The following QTMAN variants were observed in gnomAD, a reference collection of about 807,000 sequenced individuals.
The protein encoded by QTMAN is tRNA-queuosine alpha-mannosyltransferase.
the QTMAN span, among the ~76,000 whole-genome samples, chr2:144,136,477 A>G: frequency 1.3e-5 from 2 of 149,522 alleles, no homozygotes; most frequent in African/African-American, 2.5e-5. Context: ...AAAGGAGAAA[A>G]GAGAAAAGAG....
chr2:144,177,253 A>C, the QTMAN span: 1 of 317,450 alleles, frequency 3.2e-6, no homozygotes, highest in South Asian at 3.0e-5. Flanking sequence ...TGATCCCAAT[A>C]AAAAAAAAAA....
chr2:144,216,193 C>T, the QTMAN span, among the ~76,000 whole-genome samples: 1 of 152,180 alleles, frequency 6.6e-6, no homozygotes, highest in East Asian at 1.9e-4. Context: ...AAAATTTCTG[C>T]TCATGAATCA....
chr2:143,992,945 G>GA, the QTMAN span, among the ~76,000 whole-genome samples: 1 of 151,838 alleles, frequency 6.6e-6, no homozygotes, highest in East Asian at 1.9e-4. Context: ...CTGGAAAAAA[G>GA]AAAAAAATGA....
At chr2:143,967,405 A>C in the QTMAN span, among the ~76,000 whole-genome samples, 2 of 151,342 alleles carry the variant, frequency 1.3e-5, no homozygotes, top group Non-Finnish European at 2.9e-5. Context: ...ATCTTGGCTC[A>C]CTGCAACCTG....
At chr2:144,030,931 TA>T in the QTMAN span, among the ~76,000 whole-genome samples, 1 of 152,142 alleles carries the variant, frequency 6.6e-6, no homozygotes, top group African/African-American at 2.4e-5. Flanking sequence ...GTAGCCAAGC[TA>T]AGAGGCATGT....
At chr2:144,329,406 T>C in the QTMAN span, among the ~76,000 whole-genome samples, 1 of 152,142 alleles carries the variant, frequency 6.6e-6, no homozygotes, top group Non-Finnish European at 1.5e-5. Context: ...TTTGGGACAA[T>C]TTGCCAAGGT....
At chr2:144,127,240 C>T in the QTMAN span, among the ~76,000 whole-genome samples, 1,026 of 152,008 alleles carry the variant, frequency 6.7e-3, 6 homozygotes, top group Middle Eastern at 0.014. Context: ...CCCTCTTCCA[C>T]AGTGCTAATG....
At chr2:144,287,029 T>C in the QTMAN span, among the ~76,000 whole-genome samples, 2 of 152,172 alleles carry the variant, frequency 1.3e-5, no homozygotes, top group African/African-American at 2.4e-5. Context: ...TAAATGCAAA[T>C]AGAACAGAAA....
the QTMAN span, among the ~76,000 whole-genome samples, chr2:144,120,392 G>A: frequency 6.6e-6 from 1 of 152,216 alleles, no homozygotes; most frequent in Non-Finnish European, 1.5e-5. Flanking sequence ...CTGGGTTCCT[G>A]GGAAAGAACA....
chr2:144,253,367 G>C, the QTMAN span, among the ~76,000 whole-genome samples: 1 of 152,118 alleles, frequency 6.6e-6, no homozygotes, highest in African/African-American at 2.4e-5. Context: ...AAAGACAGCA[G>C]AAAATGTGGA....
chr2:143,974,342 A>G, the QTMAN span, among the ~76,000 whole-genome samples: 5 of 152,324 alleles, frequency 3.3e-5, no homozygotes, highest in Admixed American at 1.3e-4. Context: ...CAATTTAGGA[A>G]AGTTATTCTA....
chr2:144,280,576 A>G, the QTMAN span, among the ~76,000 whole-genome samples: 2 of 152,164 alleles, frequency 1.3e-5, no homozygotes, highest in Non-Finnish European at 2.9e-5. Context: ...AAGAAAAAGA[A>G]ACTGATAAAT....
At chr2:144,114,848 A>G in the QTMAN span, among the ~76,000 whole-genome samples, 2 of 152,190 alleles carry the variant, frequency 1.3e-5, no homozygotes, top group African/African-American at 4.8e-5. Context: ...TGTATCCCAG[A>G]GGTCTCTGAA....
At chr2:144,258,167 A>C in the QTMAN span, among the ~76,000 whole-genome samples, 1 of 151,876 alleles carries the variant, frequency 6.6e-6, no homozygotes, top group Non-Finnish European at 1.5e-5. Context: ...GATATATAAG[A>C]GATAAGTATA....
chr2:144,257,222 A>C, the QTMAN span, among the ~76,000 whole-genome samples: 22 of 152,228 alleles, frequency 1.4e-4, 1 homozygote, highest in South Asian at 1.0e-3. Flanking sequence ...ATGAGAAATA[A>C]TCCTGAGAGC....
At chr2:144,128,729 TTTTATTTCA>T in the QTMAN span, among the ~76,000 whole-genome samples, 1 of 152,006 alleles carries the variant, frequency 6.6e-6, no homozygotes, top group Non-Finnish European at 1.5e-5. Flanking sequence ...TTTCTAAAGT[TTTTATTTCA>T]TAGATACCCT....
At chr2:144,041,230 T>G in the QTMAN span, among the ~76,000 whole-genome samples, 13 of 152,320 alleles carry the variant, frequency 8.5e-5, no homozygotes, top group African/African-American at 2.9e-4. Context: ...ATAACCAAGC[T>G]GAATAACAAC....
At chr2:144,157,936 G>A in the QTMAN span, among the ~76,000 whole-genome samples, 60 of 151,922 alleles carry the variant, frequency 3.9e-4, no homozygotes, top group South Asian at 8.3e-4. Flanking sequence ...AATGGCTGAC[G>A]TTCTATGAGA....
chr2:144,068,478 A>G, the QTMAN span, among the ~76,000 whole-genome samples: 1 of 152,238 alleles, frequency 6.6e-6, no homozygotes, highest in Non-Finnish European at 1.5e-5. Flanking sequence ...TGTATTTTAA[A>G]CAGTTCTAAT....
Sources: gnomAD v4.1 joint callset for allele counts (sites outside exome capture counted in the v4.1 genomes callset) on GRCh38, gnomAD v4.1.1 for gene constraint, MANE v1.5 for transcripts, NCBI Gene and HGNC (gene_info 2026-07-23, HGNC 2026-07-21) for gene names.